GNB3: variants seen among roughly 807,000 people sequenced by gnomAD.
GNB3 encodes the protein guanine nucleotide-binding protein G(I)/G(S)/G(T) subunit beta-3.
GNB3 carries 33 observed loss-of-function variants against 41.2 expected under a neutral mutation model. The observed-to-expected ratio is 0.80, with a 90% CI of 0.61 to 1.07. GNB3 has a LOEUF of 1.07. Ranked by LOEUF, GNB3 falls within the 50% of genes least tolerant of loss-of-function variation. The probability of loss-of-function intolerance (pLI) is 0.00; values close to 1 mark genes in which losing one functional copy is unlikely to be tolerated. For missense variants in GNB3, 409 were observed against 455.3 expected, an observed-to-expected ratio of 0.90 and a Z score of 0.92; for synonymous variants, 172 against 173.4, an observed-to-expected ratio of 0.99 and a Z score of 0.06.
rs145079120 is a variant in GNB3, at chr12:6,843,997, C to T, written c.699+19C>T. ...CATCTGTGTGAGTGCACCCCCCACC[C>T]CAGCTTCACTCCAACTCCTTCCCCG... On this transcript the variant is annotated intron_variant, in intron 8 of 9. Coordinates refer to ENST00000229264, the MANE Select transcript of GNB3 (RefSeq NM_002075.4). This position sits in a 1 kb window ranked among gnomAD's most constrained non-coding sequence, Gnocchi z 5.9. The T allele has an allele frequency of 1.3e-6, 2 of 1,578,424 alleles. No homozygotes were observed. The highest frequency in any genetic ancestry group is 1.7e-6 in the Non-Finnish European group (2 of 1,155,934).
chr12:6,844,599 TG>T (rs1658622711), intron 8 of GNB3, among the ~76,000 whole-genome samples: 1 of 152,206 alleles, frequency 6.6e-6, no homozygotes, highest in African/African-American at 2.4e-5. Context: ...TTTTGATTTT[TG>T]TGTAGAGATG....
rs1002316792 is a variant in GNB3 at position 6,841,601 on chromosome 12, T to C, written c.73T>C (p.Cys25Arg). 34 of 1,613,556 alleles carry C rather than the reference T, an allele frequency of 2.1e-5. No homozygotes were observed. Among genetic ancestry groups the C allele is most frequent in the Non-Finnish European group, 2.9e-5 (34 of 1,179,756 alleles). ...TTCCCTGCAGGATGCCAGGAAAGCC[T>C]GTGCTGACGTTACTCTGGCAGAGGT... ...KKQIADARKA[C>R]ADVTLAELVS... The change falls in exon 3 of 10, where the codon TGT (cysteine) becomes CGT (arginine). Residue 25 changes from cysteine to arginine, a missense_variant. By Grantham distance (180) the Cys-to-Arg change is radical. Coordinates refer to ENST00000229264, the MANE Select transcript of GNB3 (RefSeq NM_002075.4).
At chr12:6,841,822 A>C (rs1555123492) in intron 3 of GNB3, 198 bp downstream of exon 3, 3 of 699,618 alleles carry the variant, frequency 4.3e-6, no homozygotes, top group African/African-American at 3.5e-5. Context: ...AGATGCGGAC[A>C]CGGTTCCTAT....
At chr12:6,845,482 G>T in intron 8 of GNB3, 104 bp from the exon 9 acceptor site, 1 of 735,206 alleles carries the variant, frequency 1.4e-6, no homozygotes, top group South Asian at 1.6e-5. Context: ...GGGAGGCTGA[G>T]AGCAGCGGCT....
At chr12:6,841,933 C>G in intron 3 of GNB3, 1 of 528,064 alleles carries the variant, frequency 1.9e-6, no homozygotes, top group Non-Finnish European at 3.5e-6. Context: ...TAGACTCTAG[C>G]TGCTAGTTTT....
In GNB3 at chr12:6,841,831, A is replaced by G. The variant is rs142240440; in HGVS notation, c.96+207A>G. 1.0e-5 allele frequency: 7 copies of G among 696,204 alleles called. No homozygotes were observed. The African/African-American group carries it at 1.2e-4, about 12-fold the overall frequency. 43.1% of individuals were successfully genotyped at this position (696,204 alleles called of 1,614,324 possible). A position where few individuals can be genotyped will look rare whatever the true frequency, so the allele number is the denominator to read the frequency against. On this transcript the variant is annotated intron_variant, in intron 3 of 9. Coordinates refer to ENST00000229264, the MANE Select transcript of GNB3 (RefSeq NM_002075.4). Reference sequence around the variant, plus strand: ...TGCGAAAGATGCGGACACGGTTCCTATTCTCATCCGTAGAACAAGAGTGAC... The same window carrying G: ...TGCGAAAGATGCGGACACGGTTCCTGTTCTCATCCGTAGAACAAGAGTGAC...
rs782750354 is a variant in GNB3 at position 6,843,833 on chromosome 12, G to A, written c.554G>A (p.Gly185Asp). The change falls in exon 8 of 10, where the codon GGT (glycine) becomes GAT (aspartate). Residue 185 changes from glycine (G) to aspartate (D), a missense_variant. Physicochemically the swap from Gly to Asp is moderately conservative, Grantham distance 94 (BLOSUM62 -1). Transcript: ENST00000229264. This position sits in a 1 kb window ranked among gnomAD's most constrained non-coding sequence, Gnocchi z 5.9. Reference sequence around the variant, plus strand: ...AAGACTGTATTTGTGGGACACACGGGTGACTGCATGAGCCTGGCTGTGTCT... The same window carrying A: ...AAGACTGTATTTGTGGGACACACGGATGACTGCATGAGCCTGGCTGTGTCT... Reference protein sequence around the residue: ...QQKTVFVGHTGDCMSLAVSPD... With the variant: ...QQKTVFVGHTDDCMSLAVSPD... 2.5e-6 allele frequency: 4 copies of A among 1,614,096 alleles called. No homozygotes were observed. The highest frequency in any genetic ancestry group is 2.2e-5 in the South Asian group (2 of 91,078).
intron 3 of GNB3, among the ~76,000 whole-genome samples, chr12:6,842,397 T>A (rs147560100): frequency 6.6e-6 from 1 of 152,254 alleles, no homozygotes; most frequent in African/African-American, 2.4e-5. Flanking sequence ...TAAAAAAAAT[T>A]GCTTTTAACT....
At chr12:6,845,845 C>A in intron 9 of GNB3, 43 bp downstream of exon 9, 1 of 1,285,266 alleles carries the variant, frequency 7.8e-7, no homozygotes, top group Non-Finnish European at 1.1e-6. Flanking sequence ...CTGGAAGGAC[C>A]CTCCCCAGCC....
intron 2 of GNB3, 110 bp downstream of exon 2, chr12:6,841,454 G>A (rs1943572279): frequency 2.5e-6 from 3 of 1,195,732 alleles, no homozygotes; most frequent in South Asian, 1.3e-5. Flanking sequence ...AAGTGACCAG[G>A]GACTTTCTAA....
chr12:6,843,957 G>A lies in GNB3; in HGVS notation c.678G>A (p.Glu226=), dbSNP rs1226899663. The A allele has an allele frequency of 1.2e-6, 2 of 1,612,790 alleles. No individual in the cohort carries two copies. Among genetic ancestry groups the A allele is most frequent in the African/African-American group, 2.7e-5 (2 of 74,840 alleles). Residue 226 remains glutamate (E), a synonymous_variant, in exon 8 of 10, where the codon GAG becomes GAA. Coordinates refer to ENST00000229264, the MANE Select transcript of GNB3 (RefSeq NM_002075.4). The surrounding 1 kb of genome is among the most constrained non-coding windows in gnomAD (Gnocchi z 5.9). The stretch of plus-strand genomic sequence containing the variant: ...GCCGTCAGACTTTCACTGGCCACGA[G>A]TCGGACATCAACGCCATCTGTGTGA... ...GTCRQTFTGH[E]SDINAICFFP... is the part of the protein sequence containing the mutation.
Position 6,843,996 on chromosome 12 carries a change from C to G in GNB3, c.699+18C>G, listed in dbSNP as rs199571092. Reference sequence around the variant, plus strand: ...CCATCTGTGTGAGTGCACCCCCCACCCCAGCTTCACTCCAACTCCTTCCCC... The same window carrying G: ...CCATCTGTGTGAGTGCACCCCCCACGCCAGCTTCACTCCAACTCCTTCCCC... On this transcript the variant is annotated intron_variant, in intron 8 of 9. Transcript: ENST00000229264. This position sits in a 1 kb window ranked among gnomAD's most constrained non-coding sequence, Gnocchi z 5.9. The G allele has an allele frequency of 6.3e-7, 1 of 1,578,272 alleles. No individual in the cohort carries two copies. The highest frequency in any genetic ancestry group is 2.2e-5 in the East Asian group (1 of 44,690).
Position 6,845,672 on chromosome 12 carries a change from C to G in GNB3, c.786C>G (p.Ile262Met). Residue 262 changes from isoleucine to methionine, a missense_variant, in exon 9 of 10, where the codon ATC becomes ATG. By Grantham distance (10) the Ile-to-Met change is conservative (BLOSUM62 1). Coordinates refer to ENST00000229264, the MANE Select transcript of GNB3 (RefSeq NM_002075.4). ...LFDLRADQEL[I>M]CFSHESIICG... ...ACCTGCGGGCAGACCAGGAGCTGATCTGCTTCTCCCACGAGAGCATCATCT... is the reference window on the plus strand; with the variant it reads ...ACCTGCGGGCAGACCAGGAGCTGATGTGCTTCTCCCACGAGAGCATCATCT... 1 of 1,614,116 alleles carries G rather than the reference C, an allele frequency of 6.2e-7. No homozygotes were observed.
At chr12:6,841,529 C>A in intron 2 of GNB3, 57 bp from the exon 3 acceptor site, 1 of 1,462,776 alleles carries the variant, frequency 6.8e-7, no homozygotes, top group South Asian at 1.2e-5. Context: ...CCTGAAGGCC[C>A]ATGCACCTGC....
chr12:6,844,075 C>T, intron 8 of GNB3, 97 bp downstream of exon 8: 1 of 678,868 alleles, frequency 1.5e-6, no homozygotes, highest in Admixed American at 3.2e-5. Context: ...CATAGCTTCC[C>T]TAGCCCTTTC....
Position 6,843,401 on chromosome 12 carries a change from C to T in GNB3, c.306C>T (p.Thr102=), listed in dbSNP as rs200048512. Residue 102 remains threonine (T), a synonymous_variant, in exon 6 of 10, where the codon ACC becomes ACT. Coordinates refer to ENST00000229264, the MANE Select transcript of GNB3 (RefSeq NM_002075.4). This position sits in a 1 kb window ranked among gnomAD's most constrained non-coding sequence, Gnocchi z 5.9. The part of the protein sequence containing the change: ...AIPLRSSWVM[T]CAYAPSGNFV... Reference sequence around the variant, plus strand: ...CACTGCGCTCCTCCTGGGTCATGACCTGTGCCTATGCCCCATCAGGGAACT... The same window carrying T: ...CACTGCGCTCCTCCTGGGTCATGACTTGTGCCTATGCCCCATCAGGGAACT... The T allele has an allele frequency of 2.5e-6, 4 of 1,614,176 alleles. No individual in the cohort carries two copies. The African/African-American group carries it at 5.3e-5, about 22-fold the overall frequency.
Position 6,843,820 on chromosome 12 carries a change from G to A in GNB3, c.541G>A (p.Val181Met), listed in dbSNP as rs147291332. 11 of 1,614,054 alleles carry A rather than the reference G, an allele frequency of 6.8e-6. No individual in the cohort carries two copies. The African/African-American group carries it at 1.2e-4, about 18-fold the overall frequency. Residue 181 changes from valine to methionine, a missense_variant, in exon 8 of 10, where the codon GTG becomes ATG. Coordinates refer to ENST00000229264, the MANE Select transcript of GNB3 (RefSeq NM_002075.4). The surrounding 1 kb of genome is among the most constrained non-coding windows in gnomAD (Gnocchi z 5.9). ...IETGQQKTVF[V>M]GHTGDCMSLA... ...GACTGGGCAGCAGAAGACTGTATTT[G>A]TGGGACACACGGGTGACTGCATGAG...
chr12:6,844,047 C>A, intron 8 of GNB3, 69 bp downstream of exon 8: 1 of 982,692 alleles, frequency 1.0e-6, no homozygotes, highest in Non-Finnish European at 1.5e-6. Context: ...ACATACAATA[C>A]ACATCCTCTG....
intron 3 of GNB3, 38 bp from the exon 4 acceptor site, chr12:6,842,932 C>A (rs781851507): frequency 2.2e-6 from 3 of 1,360,558 alleles, no homozygotes; most frequent in East Asian, 2.3e-5. Context: ...GGGCACGTAA[C>A]CTGCTCACCC....
Sources: gnomAD v4.1 joint callset for allele counts (sites outside exome capture counted in the v4.1 genomes callset) on GRCh38, gnomAD v4.1.1 for gene constraint, Gnocchi (gnomAD v3.1) non-coding constraint, MANE v1.5 for transcripts, NCBI Gene and HGNC (gene_info 2026-07-23, HGNC 2026-07-21) for gene names.